PTGER3: variants seen among roughly 807,000 people sequenced by gnomAD.
PTGER3 encodes the protein prostaglandin E2 receptor EP3 subtype.
Under a neutral mutation model 34.7 loss-of-function variants are expected in PTGER3, and 22 were observed. That is an observed-to-expected ratio of 0.63 (90% confidence interval 0.45 to 0.91). The LOEUF (loss-of-function observed/expected upper bound fraction) is 0.91, where lower values mean the gene tolerates loss of function less well. Ranked by LOEUF, PTGER3 falls within the 40% of genes least tolerant of loss-of-function variation. The probability of loss-of-function intolerance (pLI) is 0.00; values close to 1 mark genes in which losing one functional copy is unlikely to be tolerated. For missense variants in PTGER3, 468 were observed against 519.4 expected (o/e 0.90, Z 0.96); for synonymous variants, 241 against 230.1 (o/e 1.05, Z -0.43).
At chr1:70,924,690 A>G (rs1400854670) in intron 4 of PTGER3, among the ~76,000 whole-genome samples, 1 of 152,138 alleles carries the variant, frequency 6.6e-6, no homozygotes, top group Non-Finnish European at 1.5e-5. Context: ...TTTTTGTAGG[A>G]ATTCAGGAGA....
At chr1:70,915,329 AAATG>A (rs1647150880) in intron 4 of PTGER3, among the ~76,000 whole-genome samples, 1 of 151,898 alleles carries the variant, frequency 6.6e-6, no homozygotes, top group South Asian at 2.1e-4. Context: ...CCTATTGAAT[AAATG>A]AATGAATGAA....
chr1:71,009,986 A>T, intron 2 of PTGER3: 1 of 985,208 alleles, frequency 1.0e-6, no homozygotes, highest in South Asian at 4.7e-5. Flanking sequence ...CTAGATAATA[A>T]AACTCATATG....
At position 70,888,103 on chromosome 1, in the gene PTGER3, C is replaced by A. The variant is rs1017663088; in HGVS notation, c.*24-35244G>T. Among the ~76,000 whole-genome samples, 52 of 152,178 alleles carry A rather than the reference C, an allele frequency of 3.4e-4. 1 individual carries two copies. The highest frequency in any genetic ancestry group is 1.2e-4 in the Non-Finnish European group (8 of 68,032). On this transcript the variant is annotated intron_variant, in intron 4 of 4. Transcript: ENST00000370931. Reference sequence around the variant, plus strand: ...TGTACACTAGCAAGCTTTCTCCTGGCTTTTCTCCAAGCTGAGTTTCCAGGA... The same window carrying A: ...TGTACACTAGCAAGCTTTCTCCTGGATTTTCTCCAAGCTGAGTTTCCAGGA...
chr1:70,873,429 A>G (rs994668749), intron 4 of PTGER3, among the ~76,000 whole-genome samples: 9 of 152,196 alleles, frequency 5.9e-5, no homozygotes, highest in African/African-American at 1.9e-4. Flanking sequence ...GGTGAGTCAT[A>G]TAATAGACTA....
At chr1:71,037,936 A>T (rs1021485367) in intron 1 of PTGER3, among the ~76,000 whole-genome samples, 3 of 152,220 alleles carry the variant, frequency 2.0e-5, no homozygotes, top group Non-Finnish European at 4.4e-5. Flanking sequence ...CTGTTGAGGC[A>T]TTCTTCTATT....
chr1:71,012,168 G>A (rs756736765), intron 2 of PTGER3, 137 bp downstream of exon 2: 17 of 1,571,866 alleles, frequency 1.1e-5, no homozygotes, highest in Non-Finnish European at 1.4e-5. Flanking sequence ...AAGGTTTAGC[G>A]ATATTTGTTA....
At position 70,896,214 on chromosome 1, in the gene PTGER3, C is replaced by T. The variant is rs1435348389; in HGVS notation, c.*24-43355G>A. Among the ~76,000 whole-genome samples the T allele has an allele frequency of 4.6e-5, 7 of 152,026 alleles. No individual in the cohort carries two copies. The East Asian group carries it at 9.6e-4, about 21-fold the overall frequency. On this transcript the variant is annotated intron_variant, in intron 4 of 4. Transcript: ENST00000370931. ...CACAACAGATATTGAAGTCCTAATCCGTAGTATCTATGAATGTGGCCTTAT... is the reference window on the plus strand; with the variant it reads ...CACAACAGATATTGAAGTCCTAATCTGTAGTATCTATGAATGTGGCCTTAT...
At position 70,953,646 on chromosome 1, in the gene PTGER3, T is replaced by C. The variant is rs1042534684; in HGVS notation, c.1104+117A>G. The C allele has an allele frequency of 4.7e-5, 67 of 1,435,254 alleles. 1 individual carries two copies. Among genetic ancestry groups the C allele is most frequent in the Middle Eastern group, 1.8e-4 (1 of 5,596 alleles). 88.9% of individuals were successfully genotyped at this position (1,435,254 alleles called of 1,614,324 possible). A position where few individuals can be genotyped will look rare whatever the true frequency, so the allele number is the denominator to read the frequency against. On this transcript the variant is annotated intron_variant, in intron 3 of 3. Coordinates refer to the PTGER3 transcript ENST00000356595. The stretch of plus-strand genomic sequence containing the variant: ...GGGATAGGTTCCTTCACATTCTTGA[T>C]AGGAAGGAAAACACGAACTTTCAAT...
chr1:71,011,263 G>T (rs1396883907), intron 2 of PTGER3: 45 of 985,118 alleles, frequency 4.6e-5, no homozygotes, highest in Non-Finnish European at 5.3e-5. Flanking sequence ...AAGGGTCAAT[G>T]TTATTAACTT....
chr1:70,953,819 G>A, intron 2 of PTGER3: 1 of 1,083,250 alleles, frequency 9.2e-7, no homozygotes, highest in South Asian at 1.7e-5. Context: ...GTATAAGCTT[G>A]CTATAATTTA....
chr1:70,890,897 T>C (rs1646602571), intron 4 of PTGER3, among the ~76,000 whole-genome samples: 1 of 152,184 alleles, frequency 6.6e-6, no homozygotes, highest in South Asian at 2.1e-4. Flanking sequence ...CAGTTATATA[T>C]TTATAGGAAT....
chr1:70,918,136 A>G (rs144803440), intron 4 of PTGER3, among the ~76,000 whole-genome samples: 53 of 152,182 alleles, frequency 3.5e-4, no homozygotes, highest in Middle Eastern at 3.4e-3. Flanking sequence ...ACAACACAAG[A>G]CATACTGGGG....
intron 1 of PTGER3, among the ~76,000 whole-genome samples, chr1:71,027,893 T>A (rs2100933403): frequency 6.6e-6 from 1 of 152,364 alleles, no homozygotes; most frequent in East Asian, 1.9e-4. Context: ...ACATTTAAAG[T>A]ATCTCAATTT....
intron 1 of PTGER3, among the ~76,000 whole-genome samples, chr1:71,015,737 G>C (rs1657834532): frequency 6.6e-6 from 1 of 152,162 alleles, no homozygotes. Flanking sequence ...AAAGCAGGTA[G>C]AGCAGGTTAA....
chr1:71,011,175 C>G, intron 2 of PTGER3: 1 of 985,458 alleles, frequency 1.0e-6, no homozygotes, highest in Non-Finnish European at 1.2e-6. Context: ...GGTTTGTATT[C>G]ATGTAGACTG....
At chr1:70,942,291 C>G (rs540071267) in intron 4 of PTGER3, among the ~76,000 whole-genome samples, 1 of 152,282 alleles carries the variant, frequency 6.6e-6, no homozygotes, top group South Asian at 2.1e-4. Context: ...ACCTGTAGCA[C>G]CAACCCTGAA....
intron 4 of PTGER3, among the ~76,000 whole-genome samples, chr1:70,899,560 T>A (rs1646792503): frequency 6.6e-6 from 1 of 151,990 alleles, no homozygotes; most frequent in South Asian, 2.1e-4. Flanking sequence ...TTAGAGGAAA[T>A]CGGCATGAGC....
intron 4 of PTGER3, among the ~76,000 whole-genome samples, chr1:70,942,686 G>A (rs532693): frequency 0.91 from 138,670 of 152,250 alleles, 63,229 homozygotes; most frequent in African/African-American, 0.95. Flanking sequence ...AACTCTCAGT[G>A]TCATAGAATG....
At chr1:70,882,448 G>A (rs1489350947) in intron 4 of PTGER3, among the ~76,000 whole-genome samples, 1 of 152,226 alleles carries the variant, frequency 6.6e-6, no homozygotes, top group Non-Finnish European at 1.5e-5. Flanking sequence ...TCAGGCAGAA[G>A]CAGCACCACT....
Sources: gnomAD v4.1 joint callset for allele counts (sites outside exome capture counted in the v4.1 genomes callset) on GRCh38, gnomAD v4.1.1 for gene constraint, MANE v1.5 for transcripts, NCBI Gene and HGNC (gene_info 2026-07-23, HGNC 2026-07-21) for gene names.